Variants in PACS2 observed in about 807,000 individuals in gnomAD.
PACS2 encodes the protein phosphofurin acidic cluster sorting protein 2, also known as PACS1-like protein.
PACS2 carries 36 observed loss-of-function variants against 113.0 expected under a neutral mutation model. The ratio of observed to expected loss-of-function variants is 0.32; its 90% CI spans 0.24 to 0.42. The LOEUF (loss-of-function observed/expected upper bound fraction) is 0.42, where lower values mean the gene tolerates loss of function less well. Ranked by LOEUF, PACS2 falls within the 10% of genes least tolerant of loss-of-function variation. The pLI is 1.00. For synonymous variants in PACS2, 589 were observed against 536.1 expected, an observed-to-expected ratio of 1.10 and a Z score of -1.36; for missense variants, 1,015 against 1,239.5, an observed-to-expected ratio of 0.82 and a Z score of 2.72.
chr14:105,308,101 T>G (rs1480129742), intron 1 of PACS2, among the ~76,000 whole-genome samples: 1 of 152,098 alleles, frequency 6.6e-6, no homozygotes, highest in Non-Finnish European at 1.5e-5. Context: ...GAGAATCGCT[T>G]GAACCCAGGT....
chr14:105,372,948 T>C (rs1595732035), intron 8 of PACS2: 1 of 151,718 alleles, frequency 6.6e-6, no homozygotes, highest in Admixed American at 6.6e-5. Context: ...TATTTGCAAA[T>C]AACATACCTG....
intron 4 of PACS2, among the ~76,000 whole-genome samples, chr14:105,359,357 T>C (rs1196801348): frequency 2.0e-5 from 3 of 151,934 alleles, no homozygotes; most frequent in African/African-American, 7.2e-5. Flanking sequence ...TTCACTTTTA[T>C]AGTGCAGTGG....
At chr14:105,352,997 G>C (rs1450652308) in intron 3 of PACS2, among the ~76,000 whole-genome samples, 15 of 91,566 alleles carry the variant, frequency 1.6e-4, no homozygotes, top group Admixed American at 3.5e-4. Flanking sequence ...GGGGTGACGG[G>C]CCCCCTCATC....
At chr14:105,391,844 T>TGTC (rs2141307965) in intron 22 of PACS2, 78 bp downstream of exon 22, 1 of 1,390,480 alleles carries the variant, frequency 7.2e-7, no homozygotes, top group South Asian at 1.3e-5. Context: ...TCCTCCCCTA[T>TGTC]GTCACATCCA....
rs780880602 is a variant in PACS2, at chr14:105,368,523, C to T, written c.725C>T (p.Thr242Met). Residue 242 changes from threonine to methionine, a missense_variant, in exon 7 of 25, where the codon ACG becomes ATG. By Grantham distance (81) the Thr-to-Met change is moderately conservative. This residue lies in a region of PACS2 where 859 missense variants were observed against 1,056.8 expected (regional missense o/e 0.81). Coordinates refer to ENST00000447393, the MANE Select transcript of PACS2 (RefSeq NM_001100913.3). ...PKKQRRSIVR[T>M]TSMTRQQNFK... ...AAGCAGCGGAGATCGATTGTAAGAA[C>T]GACGTCCATGACCAGGGTTGGTGGA... is the stretch of plus-strand genomic sequence containing the variant. The T allele has an allele frequency of 4.3e-6, 7 of 1,613,594 alleles. No homozygotes were observed. The highest frequency in any genetic ancestry group is 2.2e-5 in the East Asian group (1 of 44,896).
At position 105,368,612 on chromosome 14, in the gene PACS2, G is replaced by C. The variant is rs1048900082; in HGVS notation, c.741+73G>C. ...GAGGACGCTGGGAGCCTGGGCGTGG[G>C]GGGGACACGGGCGTGGGAAGTGAGA... On this transcript the variant is annotated intron_variant, in intron 7 of 24. Transcript: ENST00000447393. The C allele has an allele frequency of 4.2e-5, 48 of 1,135,036 alleles. No homozygotes were observed. In the Middle Eastern group the frequency reaches 8.1e-4, roughly 19 times the overall value. 70.3% of individuals were successfully genotyped at this position (1,135,036 alleles called of 1,614,324 possible).
chr14:105,349,051 G>A (rs587729030), intron 2 of PACS2, among the ~76,000 whole-genome samples: 118 of 152,342 alleles, frequency 7.7e-4, no homozygotes, highest in African/African-American at 2.8e-3. Context: ...GTGACCTCTC[G>A]AAGGCTTTGA....
chr14:105,308,481 CTT>C (rs1227708197), intron 1 of PACS2, among the ~76,000 whole-genome samples: 18 of 124,550 alleles, frequency 1.4e-4, no homozygotes, highest in Admixed American at 2.4e-4. Flanking sequence ...CAGATTCTGT[CTT>C]TTTTTTTTTT....
rs114467309 is a variant in PACS2, at chr14:105,340,654, G to A, written c.120-7839G>A. ...TAACAGGCCAGGAACCTGTCCTGGG[G>A]GTTGGGGACCTCTGGTCTACAGCAC... On this transcript the variant is annotated intron_variant, in intron 1 of 24. Transcript: ENST00000447393. The surrounding 1 kb of genome is among the most constrained non-coding windows in gnomAD (Gnocchi z 4.2). Among the ~76,000 whole-genome samples the A allele has an allele frequency of 0.015, 2,298 of 152,316 alleles. 59 individuals carry two copies. Among genetic ancestry groups the A allele is most frequent in the African/African-American group, 0.05 (2,088 of 41,554 alleles).
At position 105,376,394 on chromosome 14, in the gene PACS2, A is replaced by G. The variant is rs1450308760; in HGVS notation, c.802-374A>G. The stretch of plus-strand genomic sequence containing the variant: ...GCTGAGGGAGGGGACGCACTAGAGG[A>G]AGGCAAAGGGGAGCCTCCTGGGTGT... On this transcript the variant is annotated intron_variant, in intron 8 of 24. Transcript: ENST00000447393. The surrounding 1 kb of genome is among the most constrained non-coding windows in gnomAD (Gnocchi z 4.7). Among the ~76,000 whole-genome samples, 2 of 151,934 alleles carry G rather than the reference A, an allele frequency of 1.3e-5. No homozygotes were observed. The highest frequency in any genetic ancestry group is 2.9e-5 in the Non-Finnish European group (2 of 68,014).
intron 23 of PACS2, 80 bp from the exon 24 acceptor site, chr14:105,393,142 T>G: frequency 9.3e-7 from 1 of 1,077,146 alleles, no homozygotes; most frequent in South Asian, 1.3e-5. Flanking sequence ...CCCCAGTGCC[T>G]CCCCCACACG....
intron 18 of PACS2, 44 bp from the exon 19 acceptor site, chr14:105,385,641 C>T (rs782194093): frequency 6.9e-6 from 10 of 1,439,866 alleles, no homozygotes; most frequent in African/African-American, 4.2e-5. Context: ...GTCCTGAGGG[C>T]GTCGTAACGT....
chr14:105,302,095 C>T (rs587739780), intron 1 of PACS2, among the ~76,000 whole-genome samples: 2 of 151,578 alleles, frequency 1.3e-5, no homozygotes, highest in South Asian at 2.1e-4. Context: ...GCTGAGATCC[C>T]GCCATTGCAC....
At chr14:105,378,816 G>T (rs942799080) in intron 9 of PACS2, among the ~76,000 whole-genome samples, 1 of 152,244 alleles carries the variant, frequency 6.6e-6, no homozygotes, top group African/African-American at 2.4e-5. Flanking sequence ...TGAGACATTC[G>T]GCCTGGATGG....
rs2060395068 is a variant in PACS2, at chr14:105,355,341, G to T, written c.423+164G>T. ...CCGGGCTCCGCCATAAGGGCCAGGTGCGGCCCCAGGTGGTGCTTCCTCTCT... is the reference window on the plus strand; with the variant it reads ...CCGGGCTCCGCCATAAGGGCCAGGTTCGGCCCCAGGTGGTGCTTCCTCTCT... On this transcript the variant is annotated intron_variant, in intron 4 of 24. Transcript: ENST00000447393. The surrounding 1 kb of genome is among the most constrained non-coding windows in gnomAD (Gnocchi z 4.1). Among the ~76,000 whole-genome samples, 1 of 152,262 alleles carries T rather than the reference G, an allele frequency of 6.6e-6. No homozygotes were observed. Among genetic ancestry groups the T allele is most frequent in the Non-Finnish European group, 1.5e-5 (1 of 68,046 alleles).
intron 1 of PACS2, among the ~76,000 whole-genome samples, chr14:105,335,581 G>A (rs1198244366): frequency 6.6e-6 from 1 of 152,202 alleles, no homozygotes; most frequent in Non-Finnish European, 1.5e-5. Context: ...TGCTGAGGTG[G>A]CCCCTCACTG....
At position 105,394,950 on chromosome 14, in the gene PACS2, G is replaced by A. The variant is rs914284123; in HGVS notation, c.*278G>A. Reference sequence around the variant, plus strand: ...CGGAAGGCGTCCTCTGGCCTCAGGAGCCACCCAGAGCCTCACAGGCTGAGT... The same window carrying A: ...CGGAAGGCGTCCTCTGGCCTCAGGAACCACCCAGAGCCTCACAGGCTGAGT... On this transcript the variant is annotated 3_prime_UTR_variant, in exon 25 of 25. Transcript: ENST00000447393. 2.0e-5 allele frequency: 8 copies of A among 398,270 alleles called. No individual in the cohort carries two copies. The highest frequency in any genetic ancestry group is 3.8e-5 in the Non-Finnish European group (8 of 211,646). 24.7% of individuals were successfully genotyped at this position (398,270 alleles called of 1,614,324 possible).
chr14:105,352,721 C>A (rs1480465340), intron 3 of PACS2, among the ~76,000 whole-genome samples: 21 of 138,396 alleles, frequency 1.5e-4, no homozygotes, highest in Non-Finnish European at 2.7e-4. Context: ...CGGGCCCCCC[C>A]ATCACTATCC....
chr14:105,394,521 G>C (rs78899107), intron 24 of PACS2, 33 bp from the exon 25 acceptor site: 1 of 1,608,058 alleles, frequency 6.2e-7, no homozygotes, highest in African/African-American at 1.3e-5. Context: ...GGCCGGGCAG[G>C]GGGGCAGGCG....
Sources: gnomAD v4.1 joint callset for allele counts (sites outside exome capture counted in the v4.1 genomes callset) on GRCh38, gnomAD v4.1.1 for gene constraint, gnomAD v4.1.1 regional missense constraint, Gnocchi (gnomAD v3.1) non-coding constraint, MANE v1.5 for transcripts, NCBI Gene and HGNC (gene_info 2026-07-23, HGNC 2026-07-21) for gene names.